FBRSL1: variants seen among roughly 807,000 people sequenced by gnomAD.
FBRSL1 encodes the protein fibrosin like 1, also known as fibrosin-1-like protein.
In FBRSL1, 51 loss-of-function variants were observed where a neutral mutation model predicts 89.6. The ratio of observed to expected loss-of-function variants is 0.57; its 90% confidence interval spans 0.45 to 0.72. The LOEUF (loss-of-function observed/expected upper bound fraction) is 0.72, where lower values mean the gene tolerates loss of function less well. Among genes scored for constraint, FBRSL1 ranks in the 30% least tolerant of loss-of-function variants. The pLI, the probability that FBRSL1 is intolerant of heterozygous loss-of-function variation, is 0.00. For synonymous variants in FBRSL1, 779 were observed against 681.1 expected, an observed-to-expected ratio of 1.14 and a Z score of -2.24; for missense variants, 1,618 against 1,451.8, an observed-to-expected ratio of 1.11 and a Z score of -1.86.
At position 132,525,784 on chromosome 12, in the gene FBRSL1, C is replaced by T. The variant is rs1026100454; in HGVS notation, c.540C>T (p.Ser180=). The T allele has an allele frequency of 1.0e-5, 16 of 1,549,838 alleles. No individual in the cohort carries two copies. The highest frequency in any genetic ancestry group is 1.7e-4 in the Middle Eastern group (1 of 5,982). Residue 180 remains serine, a synonymous_variant, in exon 3 of 19, where the codon AGC becomes AGT. Transcript: ENST00000680143. ...GCGACCGGGACAGTGACGACGACAG[C>T]GTCCTCGAAGCCACCAGCTCCCGGG... The part of the protein sequence containing the change: ...KGGDRDSDDD[S]VLEATSSRDP...
intron 15 of FBRSL1, chr12:132,580,681 C>A: frequency 1.4e-6 from 1 of 713,792 alleles, no homozygotes; most frequent in Non-Finnish European, 1.7e-6. Flanking sequence ...GCTCTGAATA[C>A]AACTTGCCGC....
chr12:132,568,459 C>A (rs149416908), intron 6 of FBRSL1, among the ~76,000 whole-genome samples: 1 of 152,242 alleles, frequency 6.6e-6, no homozygotes, highest in Non-Finnish European at 1.5e-5. Context: ...GTGCATGGGA[C>A]GGGCCCCGGT....
At chr12:132,502,212 T>C (rs2033071639) in intron 1 of FBRSL1, among the ~76,000 whole-genome samples, 1 of 152,166 alleles carries the variant, frequency 6.6e-6, no homozygotes, top group Admixed American at 6.5e-5. Context: ...CTGCCAGCAA[T>C]GGTGTGGTCC....
intron 4 of FBRSL1, among the ~76,000 whole-genome samples, chr12:132,531,548 T>C (rs2036280660): frequency 7.6e-6 from 1 of 132,286 alleles, no homozygotes; most frequent in African/African-American, 2.6e-5. Flanking sequence ...CCTCTGTGTG[T>C]GCGTGTGTGT....
chr12:132,541,188 C>T (rs2037235292), intron 4 of FBRSL1, among the ~76,000 whole-genome samples: 1 of 152,000 alleles, frequency 6.6e-6, no homozygotes, highest in Non-Finnish European at 1.5e-5. Context: ...CACACCCCTA[C>T]CCCGAGGCAC....
chr12:132,490,735 A>G lies in FBRSL1; in HGVS notation c.165A>G (p.Arg55=). The change falls in exon 1 of 19, where the codon CGA becomes CGG. Residue 55 remains arginine (R), a synonymous_variant. Transcript: ENST00000680143. ...CGGGCCTCCGCGGCGCGCCCCCCCG[A>G]GGCGCCGCCCCCGCGCCCCGCACCG... ...ENAGLRGAPP[R]GAAPAPRTAR... 1 of 995,740 alleles carries G rather than the reference A, an allele frequency of 1.0e-6. No homozygotes were observed. Among genetic ancestry groups the G allele is most frequent in the Non-Finnish European group, 1.2e-6 (1 of 840,290 alleles). 61.7% of individuals were successfully genotyped at this position (995,740 alleles called of 1,614,324 possible).
intron 18 of FBRSL1, 112 bp from the exon 19 acceptor site, chr12:132,582,859 C>T (rs1376441309): frequency 1.5e-5 from 13 of 862,780 alleles, no homozygotes; most frequent in Non-Finnish European, 1.9e-5. Flanking sequence ...GCTGAGGGGT[C>T]ACCGGCCACC....
rs142696739 is a variant in FBRSL1 at position 132,552,361 on chromosome 12, G to A, written c.645+4329G>A. On this transcript the variant is annotated intron_variant, in intron 5 of 18. Coordinates refer to ENST00000680143, the MANE Select transcript of FBRSL1 (RefSeq NM_001367871.1). ...CTACCAGCACGACAGCCAGAGGGAC[G>A]GACGGACGGCTGGACAGGCTGGAGG... 749 of 157,130 alleles carry A rather than the reference G, an allele frequency of 4.8e-3. 6 individuals are homozygous for A. The highest frequency in any genetic ancestry group is 0.017 in the African/African-American group (704 of 41,630). The allele number at this position is 157,130 out of a possible 1,614,324, so 9.7% of individuals were successfully genotyped here.
At chr12:132,581,850 TCCC>T in intron 17 of FBRSL1, 26 bp downstream of exon 17, 1 of 1,263,728 alleles carries the variant, frequency 7.9e-7, no homozygotes, top group Non-Finnish European at 1.0e-6. Context: ...TGTGCCCCCC[TCCC>T]CCGATGCCCG....
rs535773190 is a variant in FBRSL1 at position 132,564,246 on chromosome 12, C to T, written c.646-3235C>T. Among the ~76,000 whole-genome samples, 509 of 152,322 alleles carry T rather than the reference C, an allele frequency of 3.3e-3. 3 individuals are homozygous for T. Among genetic ancestry groups the T allele is most frequent in the African/African-American group, 0.011 (453 of 41,582 alleles). ...CACCAGGCCCCGGTGGACCCTGAGC[C>T]GCCTCCCTTCTGCCCTGAACAGCAG... On this transcript the variant is annotated intron_variant, in intron 5 of 18. Coordinates refer to ENST00000680143, the MANE Select transcript of FBRSL1 (RefSeq NM_001367871.1).
intron 1 of FBRSL1, among the ~76,000 whole-genome samples, chr12:132,494,303 C>T (rs2031624933): frequency 6.6e-6 from 1 of 152,216 alleles, no homozygotes. Context: ...CTGGTCAGTG[C>T]TGCTGTTCTC....
chr12:132,509,905 C>T, intron 2 of FBRSL1: 37 of 1,231,440 alleles, frequency 3.0e-5, no homozygotes, highest in Non-Finnish European at 3.7e-5. Context: ...TGCTGCTGCC[C>T]CCGGCGGGCC....
Position 132,571,372 on chromosome 12 carries a change from G to A in FBRSL1, c.1377+141G>A, listed in dbSNP as rs1424312276. The A allele has an allele frequency of 5.2e-6, 8 of 1,550,700 alleles. No homozygotes were observed. In the East Asian group the frequency reaches 1.2e-4, roughly 24 times the overall value. On this transcript the variant is annotated intron_variant, in intron 9 of 18. Coordinates refer to ENST00000680143, the MANE Select transcript of FBRSL1 (RefSeq NM_001367871.1). ...GGTGCAGAGCGCCGAGCGGCCTGGC[G>A]CCTCCCTGGGCCCGGGGGCTCTGCT...
chr12:132,566,160 G>A (rs757741627), intron 5 of FBRSL1: 1 of 152,138 alleles, frequency 6.6e-6, no homozygotes, highest in Non-Finnish European at 1.5e-5. Context: ...GCATGGCAGA[G>A]TCCCTGTGAG....
chr12:132,532,938 G>T (rs2036412913), intron 4 of FBRSL1, among the ~76,000 whole-genome samples: 1 of 152,206 alleles, frequency 6.6e-6, no homozygotes. Context: ...CTCGCTCTGT[G>T]CCAGGGCCCG....
intron 2 of FBRSL1, among the ~76,000 whole-genome samples, chr12:132,508,708 G>A (rs2033981172): frequency 6.6e-6 from 1 of 152,252 alleles, no homozygotes; most frequent in Admixed American, 6.5e-5. Context: ...CTATAAGGAG[G>A]GGGTCCAGGC....
chr12:132,564,031 C>T (rs952067882), intron 5 of FBRSL1, among the ~76,000 whole-genome samples: 1 of 152,082 alleles, frequency 6.6e-6, no homozygotes, highest in Non-Finnish European at 1.5e-5. Context: ...GGGCCGCGCT[C>T]ACGGTCACAC....
At chr12:132,557,167 C>T (rs1467678528) in intron 5 of FBRSL1, among the ~76,000 whole-genome samples, 6 of 152,206 alleles carry the variant, frequency 3.9e-5, no homozygotes, top group Admixed American at 1.3e-4. Flanking sequence ...CCTGGCCACC[C>T]GCTGCGTAAC....
At chr12:132,560,102 A>G (rs1048015028) in intron 5 of FBRSL1, 4 of 151,524 alleles carry the variant, frequency 2.6e-5, no homozygotes, top group Non-Finnish European at 5.9e-5. Context: ...GCTCCGGCTG[A>G]GCAGGGCACG....
Sources: allele counts gnomAD v4.1 joint callset (sites outside exome capture counted in the v4.1 genomes callset), GRCh38; gene constraint gnomAD v4.1.1; transcripts MANE v1.5; gene names NCBI Gene and HGNC (gene_info 2026-07-23, HGNC 2026-07-21).